TSPEAR: variants seen among roughly 807,000 people sequenced by gnomAD.
The protein encoded by TSPEAR is thrombospondin-type laminin G domain and EAR repeat-containing protein.
Under a neutral mutation model 71.6 loss-of-function variants are expected in TSPEAR, and 69 were observed. That is an observed-to-expected ratio of 0.96 (90% CI 0.79 to 1.18). The LOEUF (loss-of-function observed/expected upper bound fraction) is 1.18. TSPEAR is among the 50% of genes most tolerant of loss of function. TSPEAR has a pLI of 0.00. For missense variants in TSPEAR, 971 were observed against 894.9 expected, an observed-to-expected ratio of 1.09 and a Z score of -1.09; for synonymous variants, 402 against 387.2, an observed-to-expected ratio of 1.04 and a Z score of -0.45.
Position 44,586,346 on chromosome 21 carries a change from G to A in TSPEAR, c.83-18341C>T, listed in dbSNP as rs587692706. Among the ~76,000 whole-genome samples, 23 of 152,314 alleles carry A rather than the reference G, an allele frequency of 1.5e-4. No homozygotes were observed. In the South Asian group the frequency reaches 4.6e-3, roughly 30 times the overall value. The stretch of plus-strand genomic sequence containing the variant: ...AAAATCCTTACTGACCTGGTCTGCA[G>A]ATGGCATGCCTGTTTTCTATCACTG... On this transcript the variant is annotated intron_variant, in intron 1 of 11. Coordinates refer to ENST00000323084, the MANE Select transcript of TSPEAR (RefSeq NM_144991.3).
intron 1 of TSPEAR, among the ~76,000 whole-genome samples, chr21:44,622,229 C>A (rs1311247517): frequency 6.6e-6 from 1 of 152,172 alleles, no homozygotes; most frequent in Non-Finnish European, 1.5e-5. Context: ...GCAGGACTGG[C>A]AAGAATGTGG....
At position 44,567,792 on chromosome 21, in the gene TSPEAR, GGAAGATT is replaced by G; in HGVS notation, c.289_295del (p.Asn97HisfsTer9). On this transcript the variant is annotated frameshift_variant, in exon 2 of 12. Transcript: ENST00000323084. LOFTEE classifies it high-confidence loss of function. The stretch of plus-strand genomic sequence containing the variant: ...GCAGAAAGTGCCACTGACCTTGGGT[GGAAGATT>G]GGGAACTCTCAAAGTTACGACGATG... The G allele has an allele frequency of 6.4e-7, 1 of 1,568,636 alleles. No individual in the cohort carries two copies. The highest frequency in any genetic ancestry group is 1.2e-5 in the South Asian group (1 of 85,148).
rs1213653020 is a variant in TSPEAR, at chr21:44,623,733, A to G, written c.83-55728T>C. The stretch of plus-strand genomic sequence containing the variant: ...TTTTCTTTCAGACAGTAAATATATC[A>G]TTCCATCATCCTCTGGCTGCCATCA... On this transcript the variant is annotated intron_variant, in intron 1 of 11. Coordinates refer to ENST00000323084, the MANE Select transcript of TSPEAR (RefSeq NM_144991.3). This position sits in a 1 kb window ranked among gnomAD's most constrained non-coding sequence, Gnocchi z 4.5. Among the ~76,000 whole-genome samples the G allele has an allele frequency of 1.3e-5, 2 of 152,158 alleles. No individual in the cohort carries two copies. The highest frequency in any genetic ancestry group is 4.8e-5 in the African/African-American group (2 of 41,428).
intron 1 of TSPEAR, among the ~76,000 whole-genome samples, chr21:44,699,377 C>CAA (rs55846070): frequency 0.01 from 679 of 64,940 alleles, 13 homozygotes; most frequent in East Asian, 0.029. Flanking sequence ...GACACTGTCT[C>CAA]AAAAAAAAAA....
intron 1 of TSPEAR, among the ~76,000 whole-genome samples, chr21:44,632,902 T>G (rs1983336556): frequency 6.6e-6 from 1 of 152,194 alleles, no homozygotes; most frequent in Admixed American, 6.5e-5. Context: ...TTTTGGTAGT[T>G]TGTATGTTAA....
intron 1 of TSPEAR, among the ~76,000 whole-genome samples, chr21:44,603,099 A>G (rs382935): frequency 0.84 from 127,412 of 151,898 alleles, 54,914 homozygotes; most frequent in Non-Finnish European, 0.94. Context: ...AGGCCATCGT[A>G]GGTTTCATGA....
At chr21:44,596,222 G>C (rs1458962864) in intron 1 of TSPEAR, among the ~76,000 whole-genome samples, 1 of 152,216 alleles carries the variant, frequency 6.6e-6, no homozygotes, top group East Asian at 1.9e-4. Flanking sequence ...CGGCCTCAAC[G>C]GGCAGCTCGC....
At chr21:44,645,047 T>C (rs1555939219) in intron 1 of TSPEAR, among the ~76,000 whole-genome samples, 1 of 152,128 alleles carries the variant, frequency 6.6e-6, no homozygotes, top group Non-Finnish European at 1.5e-5. Flanking sequence ...GAAAAGTAAT[T>C]TAAAACCAGA....
At position 44,663,589 on chromosome 21, in the gene TSPEAR, C is replaced by G. The variant is rs587734316; in HGVS notation, c.82+47844G>C. ...GAAAATAGAAGGAAAGGAATCATTC[C>G]CGATTAAATTCATAGAGCCAGCATA... On this transcript the variant is annotated intron_variant, in intron 1 of 11. Coordinates refer to ENST00000323084, the MANE Select transcript of TSPEAR (RefSeq NM_144991.3). 2.0e-5 allele frequency among the ~76,000 whole-genome samples: 3 copies of G among 152,002 alleles called. No individual in the cohort carries two copies. The East Asian group carries it at 5.8e-4, about 29-fold the overall frequency.
At position 44,662,278 on chromosome 21, in the gene TSPEAR, G is replaced by A. The variant is rs1396997918; in HGVS notation, c.82+49155C>T. Among the ~76,000 whole-genome samples the A allele has an allele frequency of 6.6e-5, 10 of 152,076 alleles. No homozygotes were observed. In the East Asian group the frequency reaches 1.9e-3, roughly 29 times the overall value. ...CATTAAATATAAAAAACATAGATAGGTTAAAAGTAAACAGATGGAAAAATA... is the reference window on the plus strand; with the variant it reads ...CATTAAATATAAAAAACATAGATAGATTAAAAGTAAACAGATGGAAAAATA... On this transcript the variant is annotated intron_variant, in intron 1 of 11. Transcript: ENST00000323084.
intron 2 of TSPEAR, chr21:44,539,184 G>C: frequency 6.8e-7 from 1 of 1,475,158 alleles, no homozygotes; most frequent in Non-Finnish European, 9.0e-7. Context: ...TCAGCACAGG[G>C]GAGACACGGG....
chr21:44,549,250 G>A lies in TSPEAR; in HGVS notation c.304-15327C>T, dbSNP rs74614683. Among the ~76,000 whole-genome samples the A allele has an allele frequency of 7.9e-5, 12 of 152,200 alleles. No individual in the cohort carries two copies. The South Asian group carries it at 1.9e-3, about 24-fold the overall frequency. ...AGCTGGTGCTGTGGCATGCCTGGGC[G>A]TGTAGGAAAAGCAGAAGGAAAGAAG... On this transcript the variant is annotated intron_variant, in intron 2 of 11. Coordinates refer to ENST00000323084, the MANE Select transcript of TSPEAR (RefSeq NM_144991.3).
At chr21:44,619,933 G>C (rs1982338621) in intron 1 of TSPEAR, among the ~76,000 whole-genome samples, 1 of 152,232 alleles carries the variant, frequency 6.6e-6, no homozygotes, top group Non-Finnish European at 1.5e-5. Flanking sequence ...AGTTGGAGGG[G>C]AGACAGTGGG....
intron 1 of TSPEAR, among the ~76,000 whole-genome samples, chr21:44,656,269 T>C (rs13049382): frequency 0.49 from 74,358 of 152,050 alleles, 18,215 homozygotes; most frequent in South Asian, 0.56. Context: ...CTTCCCCTGT[T>C]CCTCCTACTC....
intron 2 of TSPEAR, among the ~76,000 whole-genome samples, chr21:44,549,144 G>A (rs1555918140): frequency 1.3e-5 from 2 of 152,134 alleles, no homozygotes; most frequent in South Asian, 2.1e-4. Flanking sequence ...AGCTAGACCC[G>A]ATTGGCTAAA....
At chr21:44,515,965 C>T (rs1361123277) in intron 9 of TSPEAR, 3 of 152,340 alleles carry the variant, frequency 2.0e-5, no homozygotes, top group African/African-American at 7.2e-5. Flanking sequence ...GCTCCATCCC[C>T]ATGGGGCAGG....
chr21:44,644,784 T>A (rs149936694), intron 1 of TSPEAR, among the ~76,000 whole-genome samples: 2 of 152,238 alleles, frequency 1.3e-5, no homozygotes, highest in African/African-American at 4.8e-5. Flanking sequence ...GAAATTATTA[T>A]TAAAAATGGA....
intron 1 of TSPEAR, among the ~76,000 whole-genome samples, chr21:44,649,553 C>T (rs73909216): frequency 0.035 from 5,367 of 152,340 alleles, 207 homozygotes; most frequent in African/African-American, 0.1. Context: ...GCCCACACCC[C>T]TTCTCCCGTG....
chr21:44,647,409 C>T (rs1418965894), intron 1 of TSPEAR: 2 of 1,578,802 alleles, frequency 1.3e-6, no homozygotes, highest in Non-Finnish European at 1.7e-6. Context: ...GCAGGATTCT[C>T]CAGTCTCAGG....
Sources: allele counts gnomAD v4.1 joint callset (sites outside exome capture counted in the v4.1 genomes callset), GRCh38; gene constraint gnomAD v4.1.1; non-coding constraint Gnocchi (gnomAD v3.1); transcripts MANE v1.5; gene names NCBI Gene and HGNC (gene_info 2026-07-23, HGNC 2026-07-21).